Variants in PDE1C observed in about 807,000 individuals in gnomAD.
PDE1C encodes the protein phosphodiesterase 1C.
PDE1C carries 62 observed loss-of-function variants against 93.1 expected under a neutral mutation model. The ratio of observed to expected loss-of-function variants is 0.67; its 90% CI spans 0.54 to 0.82. The LOEUF is 0.82. PDE1C is among the 40% of genes least tolerant of loss of function. The pLI is 0.00. For synonymous variants in PDE1C, 325 were observed against 310.1 expected (o/e 1.05, Z -0.50); for missense variants, 742 against 884.6 (o/e 0.84, Z 2.04).
intron 2 of PDE1C, among the ~76,000 whole-genome samples, chr7:32,176,070 A>T (rs974468494): frequency 1.3e-5 from 2 of 152,222 alleles, no homozygotes; most frequent in African/African-American, 2.4e-5. Flanking sequence ...TCTTTGACAC[A>T]TGTTCACTTT....
chr7:31,729,160 G>A, the PDE1C span, among the ~76,000 whole-genome samples: 3 of 152,188 alleles, frequency 2.0e-5, no homozygotes, highest in Non-Finnish European at 4.4e-5. Context: ...TTTAGCACCA[G>A]GCCTGACATT....
chr7:31,822,011 G>A (rs1489634123), intron 14 of PDE1C, among the ~76,000 whole-genome samples: 1 of 152,076 alleles, frequency 6.6e-6, no homozygotes, highest in Non-Finnish European at 1.5e-5. Flanking sequence ...AGGGCCTAGG[G>A]CTTAGACTGG....
In PDE1C at chr7:31,986,587, C is replaced by T. The variant is rs537826868; in HGVS notation, c.128+64967G>A. Among the ~76,000 whole-genome samples, 7 of 152,064 alleles carry T rather than the reference C, an allele frequency of 4.6e-5. No homozygotes were observed. In the South Asian group the frequency reaches 1.5e-3, roughly 32 times the overall value. ...TGCCCTAAATCCAATAACTGATATCCTAATAAGAAGTGGGGAGGGCACAGA... is the reference window on the plus strand; with the variant it reads ...TGCCCTAAATCCAATAACTGATATCTTAATAAGAAGTGGGGAGGGCACAGA... On this transcript the variant is annotated intron_variant, in intron 2 of 17. Coordinates refer to ENST00000396191, the MANE Select transcript of PDE1C (RefSeq NM_001191057.4).
In PDE1C at chr7:31,892,395, A is replaced by C. The variant is rs941461991; in HGVS notation, c.129-11535T>G. Among the ~76,000 whole-genome samples, 6 of 152,190 alleles carry C rather than the reference A, an allele frequency of 3.9e-5. 1 individual carries two copies. The East Asian group carries it at 9.6e-4, about 24-fold the overall frequency. ...GAAACTCAGATGCTAGCAAATGGTC[A>C]CCACACTAAAACGGTGAGAGAAAAA... On this transcript the variant is annotated intron_variant, in intron 2 of 17. Coordinates refer to ENST00000396191, the MANE Select transcript of PDE1C (RefSeq NM_001191057.4).
In PDE1C at chr7:31,809,123, C is replaced by A; in HGVS notation, c.1814-15G>T. 1.4e-6 allele frequency: 2 copies of A among 1,429,842 alleles called. No individual in the cohort carries two copies. The highest frequency in any genetic ancestry group is 2.0e-6 in the Non-Finnish European group (2 of 1,014,082). The allele number at this position is 1,429,842 out of a possible 1,614,324, so 88.6% of individuals were successfully genotyped here. On this transcript the variant is annotated splice_polypyrimidine_tract_variant and intron_variant, in intron 15 of 17. Coordinates refer to ENST00000396191, the MANE Select transcript of PDE1C (RefSeq NM_001191057.4). ...TTTGAAGTCACCTGAAAGTAATAAA[C>A]ATGACAAACAGTATATGTATGCAGC...
At position 31,777,141 on chromosome 7, in the gene PDE1C, T is replaced by TA. The variant is rs78049864; in HGVS notation, c.1892-1410dup. 5.1e-3 allele frequency among the ~76,000 whole-genome samples: 727 copies of TA among 142,164 alleles called. 1 individual carries two copies. Among genetic ancestry groups the TA allele is most frequent in the Non-Finnish European group, 7.9e-3 (510 of 64,598 alleles). The allele number at this position is 142,164 out of a possible 152,430, so 93.3% of individuals were successfully genotyped here. A position where few individuals can be genotyped will look rare whatever the true frequency, so the allele number is the denominator to read the frequency against. On this transcript the variant is annotated intron_variant, in intron 16 of 17. Transcript: ENST00000396191. ...ATGTACCCTAAAACTTAAAGTATAATAAAAAAAAAAGAAAGAAACAATTAG... is the reference window on the plus strand; with the variant it reads ...ATGTACCCTAAAACTTAAAGTATAATAAAAAAAAAAAGAAAGAAACAATTAG...
the PDE1C span, among the ~76,000 whole-genome samples, chr7:31,628,216 C>T: frequency 6.6e-6 from 1 of 152,198 alleles, no homozygotes; most frequent in East Asian, 1.9e-4. Flanking sequence ...TTCTGCCCTT[C>T]AATCTCCTAC....
intron 2 of PDE1C, among the ~76,000 whole-genome samples, chr7:31,979,337 T>C (rs1563136290): frequency 6.6e-6 from 1 of 152,118 alleles, no homozygotes; most frequent in Non-Finnish European, 1.5e-5. Context: ...ATCTCTAAAA[T>C]GGAATAAAAA....
chr7:32,043,325 A>G (rs1379048550), intron 2 of PDE1C, among the ~76,000 whole-genome samples: 1 of 152,182 alleles, frequency 6.6e-6, no homozygotes, highest in East Asian at 1.9e-4. Flanking sequence ...CAACCCTGTC[A>G]ATTGTGCCTC....
the PDE1C span, among the ~76,000 whole-genome samples, chr7:31,713,545 G>T: frequency 6.6e-6 from 1 of 152,194 alleles, no homozygotes; most frequent in Non-Finnish European, 1.5e-5. Context: ...GCTCTACTAG[G>T]TGGTACACCA....
chr7:31,870,214 C>G (rs1158683918), intron 6 of PDE1C, among the ~76,000 whole-genome samples: 1 of 151,380 alleles, frequency 6.6e-6, no homozygotes, highest in Non-Finnish European at 1.5e-5. Flanking sequence ...AATATCAAAC[C>G]AAACTGAAAT....
At chr7:31,925,237 T>G (rs1399125970) in intron 2 of PDE1C, among the ~76,000 whole-genome samples, 1 of 152,194 alleles carries the variant, frequency 6.6e-6, no homozygotes, top group African/African-American at 2.4e-5. Context: ...TTGAACCTCA[T>G]TATTAATTAT....
intron 2 of PDE1C, among the ~76,000 whole-genome samples, chr7:31,896,022 C>CATACATACATACAT (rs772075053): frequency 2.0e-5 from 3 of 151,820 alleles, no homozygotes; most frequent in South Asian, 2.1e-4. Flanking sequence ...TACATACATA[C>CATACATACATACAT]ACACACAAAC....
At chr7:32,287,365 T>G (rs529123437) in intron 1 of PDE1C, among the ~76,000 whole-genome samples, 2 of 152,194 alleles carry the variant, frequency 1.3e-5, no homozygotes, top group Admixed American at 6.5e-5. Context: ...CTGATCCACC[T>G]GGAGGCTCTC....
At chr7:32,287,529 T>A (rs979234076) in intron 1 of PDE1C, among the ~76,000 whole-genome samples, 2 of 152,250 alleles carry the variant, frequency 1.3e-5, no homozygotes, top group Non-Finnish European at 2.9e-5. Context: ...TAGGCTGTCA[T>A]CACCATGTCA....
intron 16 of PDE1C, among the ~76,000 whole-genome samples, chr7:31,783,193 T>C (rs1380960152): frequency 3.9e-5 from 6 of 152,212 alleles, no homozygotes. Flanking sequence ...CATATCATTG[T>C]ACCCTGAAGA....
intron 3 of PDE1C, among the ~76,000 whole-genome samples, chr7:32,134,927 A>C (rs1187264382): frequency 6.6e-6 from 1 of 152,180 alleles, no homozygotes; most frequent in African/African-American, 2.4e-5. Context: ...ATGTGTAATA[A>C]ATAAATAAAT....
intron 11 of PDE1C, among the ~76,000 whole-genome samples, chr7:31,830,027 A>G (rs1790180348): frequency 6.6e-6 from 1 of 152,148 alleles, no homozygotes; most frequent in Non-Finnish European, 1.5e-5. Flanking sequence ...TCATTACTGA[A>G]CAATCACCTG....
the PDE1C span, among the ~76,000 whole-genome samples, chr7:31,698,392 G>A: frequency 6.6e-6 from 1 of 151,852 alleles, no homozygotes; most frequent in Non-Finnish European, 1.5e-5. Flanking sequence ...CTATCCCTTC[G>A]TCTTCACCAC....
Sources: gnomAD v4.1 joint callset for allele counts (sites outside exome capture counted in the v4.1 genomes callset) on GRCh38, gnomAD v4.1.1 for gene constraint, MANE v1.5 for transcripts, NCBI Gene and HGNC (gene_info 2026-07-23, HGNC 2026-07-21) for gene names.